DCAF6: variants seen among roughly 807,000 people sequenced by gnomAD.
DCAF6 encodes the protein DDB1 and CUL4 associated factor 6.
DCAF6 carries 54 observed loss-of-function variants against 125.1 expected under a neutral mutation model. The ratio of observed to expected loss-of-function variants is 0.43; its 90% CI spans 0.35 to 0.54. The LOEUF (loss-of-function observed/expected upper bound fraction) is 0.54, where lower values mean the gene tolerates loss of function less well. Ranked by LOEUF, DCAF6 falls within the 20% of genes least tolerant of loss-of-function variation. DCAF6 has a pLI of 0.01. For missense variants in DCAF6, 934 were observed against 1,161.7 expected (o/e 0.80, Z 2.85); for synonymous variants, 371 against 390.4 (o/e 0.95, Z 0.58).
At chr1:168,063,783 T>G (rs1358067879) in intron 18 of DCAF6, 24 bp downstream of exon 18, 3 of 1,591,670 alleles carry the variant, frequency 1.9e-6, no homozygotes, top group Non-Finnish European at 2.6e-6. Flanking sequence ...ATGGCATTTT[T>G]TGGTGAAATT....
chr1:167,954,703 C>T (rs1294092923), intron 2 of DCAF6, among the ~76,000 whole-genome samples: 1 of 151,516 alleles, frequency 6.6e-6, no homozygotes, highest in Non-Finnish European at 1.5e-5. Flanking sequence ...CCGCCCGCCT[C>T]TGCCTCCCAA....
At chr1:167,905,464 G>A in the DCAF6 span, among the ~76,000 whole-genome samples, 1 of 152,190 alleles carries the variant, frequency 6.6e-6, no homozygotes, top group Non-Finnish European at 1.5e-5. Context: ...TGCAGGAAGG[G>A]GTAGGCCCTC....
chr1:168,005,059 T>C (rs932845075), intron 10 of DCAF6, among the ~76,000 whole-genome samples: 7 of 152,214 alleles, frequency 4.6e-5, no homozygotes, highest in African/African-American at 1.7e-4. Flanking sequence ...TGACATAGTT[T>C]AATGTGCCTG....
upstream of DCAF6, chr1:167,936,028 G>A (rs559971510): frequency 8.3e-6 from 5 of 604,550 alleles, no homozygotes; most frequent in African/African-American, 5.6e-5. Flanking sequence ...GCCCCGCGAA[G>A]GTTGAGGGGG....
At chr1:168,016,181 A>G (rs1012655206) in intron 11 of DCAF6, among the ~76,000 whole-genome samples, 2 of 152,166 alleles carry the variant, frequency 1.3e-5, no homozygotes, top group Non-Finnish European at 2.9e-5. Flanking sequence ...AAAAGTTGTA[A>G]TATATTTGGA....
At chr1:168,009,604 C>T (rs556245094) in intron 10 of DCAF6, among the ~76,000 whole-genome samples, 5 of 149,630 alleles carry the variant, frequency 3.3e-5, no homozygotes, top group African/African-American at 1.2e-4. Context: ...CTTTTCTTTC[C>T]CTCTTTCCTT....
the DCAF6 span, among the ~76,000 whole-genome samples, chr1:167,923,501 CAT>C: frequency 6.6e-6 from 1 of 151,980 alleles, no homozygotes; most frequent in African/African-American, 2.4e-5. Context: ...TAGTGAAATT[CAT>C]AGAGACAGAA....
intron 12 of DCAF6, among the ~76,000 whole-genome samples, chr1:168,025,411 T>C (rs1486817807): frequency 1.3e-5 from 2 of 152,168 alleles, no homozygotes; most frequent in African/African-American, 4.8e-5. Context: ...ATTTTAGTCA[T>C]GTAAGTAGAG....
upstream of DCAF6, chr1:167,935,752 C>T (rs1320961920): frequency 2.6e-6 from 4 of 1,563,894 alleles, no homozygotes; most frequent in Non-Finnish European, 3.5e-6. Flanking sequence ...GGTTGTACAA[C>T]GGCCTCAATT....
chr1:167,961,802 T>C (rs1055189055), intron 2 of DCAF6, among the ~76,000 whole-genome samples: 12 of 152,232 alleles, frequency 7.9e-5, no homozygotes, highest in Non-Finnish European at 1.5e-4. Context: ...TTTGAAACTT[T>C]TTGAGTGCCA....
upstream of DCAF6, among the ~76,000 whole-genome samples, chr1:167,933,128 T>C (rs1191497741): frequency 2.6e-5 from 4 of 151,150 alleles, no homozygotes; most frequent in Non-Finnish European, 5.9e-5. Context: ...AGAGATGCAA[T>C]ACTGTAACTA....
chr1:167,981,705 A>G (rs1284563784), intron 4 of DCAF6, among the ~76,000 whole-genome samples: 1 of 152,230 alleles, frequency 6.6e-6, no homozygotes, highest in Non-Finnish European at 1.5e-5. Flanking sequence ...TGCAAAGGAC[A>G]TGATTTCATT....
At chr1:167,989,307 A>C (rs865907736) in intron 5 of DCAF6, among the ~76,000 whole-genome samples, 3 of 152,344 alleles carry the variant, frequency 2.0e-5, no homozygotes, top group Middle Eastern at 6.8e-3. Context: ...TTAGTGTTTC[A>C]GTGTAGTAAG....
intron 12 of DCAF6, among the ~76,000 whole-genome samples, chr1:168,027,854 T>C (rs1178038183): frequency 1.3e-5 from 2 of 152,192 alleles, no homozygotes; most frequent in Admixed American, 1.3e-4. Flanking sequence ...GATAGAAGTA[T>C]GTTTAGCCTG....
chr1:167,924,714 T>C, the DCAF6 span, among the ~76,000 whole-genome samples: 1 of 152,182 alleles, frequency 6.6e-6, no homozygotes. Context: ...CACCACAGTA[T>C]CACAGTACAG....
At chr1:167,869,877 G>C in the DCAF6 span, among the ~76,000 whole-genome samples, 1 of 151,950 alleles carries the variant, frequency 6.6e-6, no homozygotes, top group Non-Finnish European at 1.5e-5. Flanking sequence ...TGTCTGAGGG[G>C]TTTTGTCTGC....
At chr1:167,901,812 A>T in the DCAF6 span, 5 of 1,614,094 alleles carry the variant, frequency 3.1e-6, no homozygotes, top group African/African-American at 6.7e-5. Flanking sequence ...TCACCTTCAG[A>T]GAGAGACATG....
chr1:167,916,241 T>G, the DCAF6 span, among the ~76,000 whole-genome samples: 1 of 151,902 alleles, frequency 6.6e-6, no homozygotes, highest in Admixed American at 6.5e-5. Flanking sequence ...AGTTTTGCTC[T>G]TGTCGCCCAG....
the DCAF6 span, among the ~76,000 whole-genome samples, chr1:167,889,179 C>T: frequency 6.6e-6 from 1 of 152,130 alleles, no homozygotes; most frequent in African/African-American, 2.4e-5. Context: ...CTTTTAGTTT[C>T]TCCCTATTCA....
Sources: allele counts gnomAD v4.1 joint callset (sites outside exome capture counted in the v4.1 genomes callset), GRCh38; gene constraint gnomAD v4.1.1; transcripts MANE v1.5; gene names NCBI Gene and HGNC (gene_info 2026-07-23, HGNC 2026-07-21).